Variants in SLC24A2 observed in about 807,000 individuals in gnomAD.
SLC24A2 encodes sodium/potassium/calcium exchanger 2.
In SLC24A2, 36 loss-of-function variants were observed where a neutral mutation model predicts 62.0. The ratio of observed to expected loss-of-function variants is 0.58; its 90% CI spans 0.44 to 0.77. The LOEUF is 0.77. SLC24A2 is among the 30% of genes least tolerant of loss of function. The pLI is 0.00. For missense variants in SLC24A2, 846 were observed against 817.9 expected (o/e 1.03, Z -0.42); for synonymous variants, 358 against 294.0 (o/e 1.22, Z -2.23).
the SLC24A2 span, among the ~76,000 whole-genome samples, chr9:20,206,478 G>T: frequency 6.6e-6 from 1 of 152,152 alleles, no homozygotes; most frequent in East Asian, 1.9e-4. Context: ...ATACATAATT[G>T]GTTTATTATT....
chr9:19,969,003 G>A, the SLC24A2 span, among the ~76,000 whole-genome samples: 14 of 152,212 alleles, frequency 9.2e-5, no homozygotes, highest in African/African-American at 3.4e-4. Context: ...TACAGTGGCT[G>A]TTCTACCAGA....
At chr9:20,000,955 A>G in the SLC24A2 span, among the ~76,000 whole-genome samples, 1 of 152,154 alleles carries the variant, frequency 6.6e-6, no homozygotes, top group African/African-American at 2.4e-5. Flanking sequence ...GGGTCATCTG[A>G]CCCTAATGGA....
the SLC24A2 span, among the ~76,000 whole-genome samples, chr9:19,818,700 A>C: frequency 6.6e-6 from 1 of 152,160 alleles, no homozygotes; most frequent in Non-Finnish European, 1.5e-5. Context: ...ATCATAGATG[A>C]CACAAACAAA....
At chr9:19,870,526 G>A in the SLC24A2 span, among the ~76,000 whole-genome samples, 26 of 152,052 alleles carry the variant, frequency 1.7e-4, no homozygotes, top group Non-Finnish European at 7.4e-5. Flanking sequence ...TATATACTTA[G>A]GAGTAGTATT....
chr9:20,294,375 G>T, the SLC24A2 span, among the ~76,000 whole-genome samples: 4 of 152,114 alleles, frequency 2.6e-5, no homozygotes, highest in Admixed American at 2.6e-4. Context: ...TATTTCAAAG[G>T]GGCTGATTGT....
the SLC24A2 span, among the ~76,000 whole-genome samples, chr9:19,844,530 T>A: frequency 6.6e-6 from 1 of 152,168 alleles, no homozygotes; most frequent in Non-Finnish European, 1.5e-5. Flanking sequence ...TAGGTTCCAT[T>A]TGTCAATTTT....
At chr9:19,523,779 T>C (rs1052468797) in intron 9 of SLC24A2, among the ~76,000 whole-genome samples, 3 of 152,176 alleles carry the variant, frequency 2.0e-5, no homozygotes, top group Non-Finnish European at 4.4e-5. Flanking sequence ...CCAGATTTTA[T>C]AACTCAGACA....
the SLC24A2 span, among the ~76,000 whole-genome samples, chr9:19,833,302 G>A: frequency 6.6e-6 from 1 of 152,184 alleles, no homozygotes; most frequent in African/African-American, 2.4e-5. Flanking sequence ...TGACGTGCAA[G>A]GGGTCAGGGA....
At chr9:20,108,308 A>G in the SLC24A2 span, among the ~76,000 whole-genome samples, 12 of 152,112 alleles carry the variant, frequency 7.9e-5, no homozygotes, top group East Asian at 5.8e-4. Flanking sequence ...CAGGGATCTA[A>G]AACTAGAAAT....
chr9:20,110,374 C>A, the SLC24A2 span, among the ~76,000 whole-genome samples: 3 of 152,090 alleles, frequency 2.0e-5, no homozygotes, highest in Non-Finnish European at 4.4e-5. Context: ...GTGATATCAA[C>A]AGTCTAAAAG....
the SLC24A2 span, among the ~76,000 whole-genome samples, chr9:19,981,210 A>T: frequency 1.3e-5 from 2 of 152,240 alleles, no homozygotes; most frequent in African/African-American, 4.8e-5. Flanking sequence ...ACAACTTCAC[A>T]TATATGTAGC....
intron 10 of SLC24A2, among the ~76,000 whole-genome samples, chr9:19,519,753 G>A (rs999273861): frequency 6.6e-6 from 1 of 152,174 alleles, no homozygotes; most frequent in Non-Finnish European, 1.5e-5. Flanking sequence ...GGGAATCAGA[G>A]AAATCAGGAT....
At chr9:19,807,251 G>A in the SLC24A2 span, among the ~76,000 whole-genome samples, 2 of 152,304 alleles carry the variant, frequency 1.3e-5, no homozygotes. Context: ...CATCTTTATG[G>A]TAACAAGGAA....
chr9:19,852,736 T>C, the SLC24A2 span, among the ~76,000 whole-genome samples: 5 of 152,162 alleles, frequency 3.3e-5, no homozygotes, highest in African/African-American at 1.2e-4. Context: ...GGTAGTACAA[T>C]GAGGTGAAGT....
chr9:20,016,782 C>T, the SLC24A2 span, among the ~76,000 whole-genome samples: 3 of 152,232 alleles, frequency 2.0e-5, no homozygotes, highest in East Asian at 5.8e-4. Context: ...GGAGGATACA[C>T]TCCCAGCTGT....
the SLC24A2 span, among the ~76,000 whole-genome samples, chr9:20,047,675 A>T: frequency 6.8e-6 from 1 of 146,998 alleles, no homozygotes; most frequent in Non-Finnish European, 1.5e-5. Context: ...GTAAATGTAC[A>T]TAGAGGAAAT....
the SLC24A2 span, among the ~76,000 whole-genome samples, chr9:19,945,871 C>G: frequency 1.3e-5 from 2 of 152,202 alleles, no homozygotes; most frequent in Non-Finnish European, 2.9e-5. Context: ...GAAACTCCAT[C>G]TTTTCCAAAG....
At chr9:20,078,771 T>A in the SLC24A2 span, among the ~76,000 whole-genome samples, 1 of 152,176 alleles carries the variant, frequency 6.6e-6, no homozygotes, top group South Asian at 2.1e-4. Context: ...TCCAAAAGAA[T>A]GCCTCCCTAT....
the SLC24A2 span, among the ~76,000 whole-genome samples, chr9:20,009,401 A>C: frequency 7.3e-6 from 1 of 137,244 alleles, no homozygotes; most frequent in African/African-American, 2.6e-5. Flanking sequence ...AAAAAAAAAA[A>C]AAAAGCGGGC....
Sources: allele counts gnomAD v4.1 joint callset (sites outside exome capture counted in the v4.1 genomes callset), GRCh38; gene constraint gnomAD v4.1.1; transcripts MANE v1.5; gene names NCBI Gene and HGNC (gene_info 2026-07-23, HGNC 2026-07-21).